KLF12: variants seen among roughly 807,000 people sequenced by gnomAD.
KLF12 encodes Krueppel-like factor 12.
Under a neutral mutation model 37.8 loss-of-function variants are expected in KLF12, and 9 were observed. That is an observed-to-expected ratio of 0.24 (90% CI 0.14 to 0.42). KLF12 has a LOEUF of 0.42. Ranked by LOEUF, KLF12 falls within the 10% of genes least tolerant of loss-of-function variation. The probability of loss-of-function intolerance (pLI) is 1.00; values close to 1 mark genes in which losing one functional copy is unlikely to be tolerated. For missense variants in KLF12, 411 were observed against 516.0 expected, an observed-to-expected ratio of 0.80 and a Z score of 1.97; for synonymous variants, 208 against 202.1, an observed-to-expected ratio of 1.03 and a Z score of -0.25.
intron 6 of KLF12, among the ~76,000 whole-genome samples, chr13:73,718,784 C>T (rs1876004203): frequency 6.6e-6 from 1 of 152,134 alleles, no homozygotes; most frequent in Non-Finnish European, 1.5e-5. Context: ...GTCCCAGCTA[C>T]TTGGGAGGCT....
chr13:74,141,561 G>A, the KLF12 span, among the ~76,000 whole-genome samples: 1 of 152,072 alleles, frequency 6.6e-6, no homozygotes, highest in African/African-American at 2.4e-5. Context: ...ACAAGAAATC[G>A]AAAAATAAGC....
chr13:74,085,607 T>C (rs1875231952), intron 1 of KLF12, among the ~76,000 whole-genome samples: 1 of 152,220 alleles, frequency 6.6e-6, no homozygotes, highest in Non-Finnish European at 1.5e-5. Context: ...CCTTAAATAA[T>C]GGAGCAGGGA....
intron 1 of KLF12, among the ~76,000 whole-genome samples, chr13:74,003,183 G>C (rs562206324): frequency 5.3e-4 from 81 of 152,286 alleles, no homozygotes; most frequent in African/African-American, 1.9e-3. Flanking sequence ...TGAAAGAACG[G>C]AGTATAGTGG....
At chr13:74,258,927 G>A in the KLF12 span, 1 of 152,246 alleles carries the variant, frequency 6.6e-6, no homozygotes, top group Non-Finnish European at 1.5e-5. Context: ...GAAGGTCCCG[G>A]TGCTCTCTCC....
At chr13:73,715,218 CAA>C (rs1222887667) in intron 7 of KLF12, 148 bp downstream of exon 7, 25 of 576,794 alleles carry the variant, frequency 4.3e-5, no homozygotes, top group Middle Eastern at 4.7e-4. Flanking sequence ...CTCTCTTTCT[CAA>C]GAGAGAGAGA....
intron 3 of KLF12, among the ~76,000 whole-genome samples, chr13:73,887,429 CAGG>C (rs978220235): frequency 3.9e-5 from 6 of 152,094 alleles, no homozygotes; most frequent in Admixed American, 2.0e-4. Context: ...CATGAGTTCA[CAGG>C]AGATCTGGTT....
At chr13:74,212,410 G>A in the KLF12 span, among the ~76,000 whole-genome samples, 1 of 152,132 alleles carries the variant, frequency 6.6e-6, no homozygotes, top group Non-Finnish European at 1.5e-5. Flanking sequence ...AGTCTAGCAT[G>A]CTTTGGGCAT....
chr13:74,076,551 C>T (rs1874573514), intron 1 of KLF12, among the ~76,000 whole-genome samples: 1 of 152,176 alleles, frequency 6.6e-6, no homozygotes, highest in East Asian at 1.9e-4. Flanking sequence ...GGCCTTAATC[C>T]CATTCATGAG....
At chr13:73,954,110 C>G (rs947569899) in intron 2 of KLF12, among the ~76,000 whole-genome samples, 2 of 151,510 alleles carry the variant, frequency 1.3e-5, no homozygotes, top group Non-Finnish European at 2.9e-5. Context: ...TCCGGAGCAG[C>G]TGGGACTACA....
At chr13:74,071,624 C>T (rs1297633878) in intron 1 of KLF12, among the ~76,000 whole-genome samples, 10 of 152,184 alleles carry the variant, frequency 6.6e-5, no homozygotes, top group Non-Finnish European at 1.0e-4. Context: ...ACTCGGGAGG[C>T]GGAGCTTGCA....
At chr13:74,253,001 ATCTATCTATCTATCTATCTATCTGTCTG>A in the KLF12 span, among the ~76,000 whole-genome samples, 2 of 128,622 alleles carry the variant, frequency 1.6e-5, no homozygotes, top group African/African-American at 8.9e-5. Flanking sequence ...CTATCTATCT[ATCTATCTATCTATCTATCTATCTGTCTG>A]TCTATCTACC....
At chr13:74,252,543 G>A in the KLF12 span, among the ~76,000 whole-genome samples, 3 of 152,200 alleles carry the variant, frequency 2.0e-5, no homozygotes. Flanking sequence ...GGAAGAGCAG[G>A]TGGAGAGGGG....
At chr13:74,180,359 T>TA in the KLF12 span, among the ~76,000 whole-genome samples, 1 of 152,230 alleles carries the variant, frequency 6.6e-6, no homozygotes, top group Non-Finnish European at 1.5e-5. Flanking sequence ...CCTCACAATT[T>TA]ATCTTTCTTT....
At chr13:73,820,713 A>C (rs1027024958) in intron 4 of KLF12, among the ~76,000 whole-genome samples, 3 of 152,310 alleles carry the variant, frequency 2.0e-5, no homozygotes, top group Admixed American at 1.3e-4. Context: ...TTGTCTGTTC[A>C]CTTGACAGTG....
At chr13:74,078,512 T>C (rs184138671) in intron 1 of KLF12, among the ~76,000 whole-genome samples, 1 of 152,366 alleles carries the variant, frequency 6.6e-6, no homozygotes, top group East Asian at 1.9e-4. Context: ...TGTTACTTAA[T>C]TAAATATTTG....
intron 2 of KLF12, among the ~76,000 whole-genome samples, chr13:73,974,310 C>CAAAAAAAAAAAAAAAAAAAAAA (rs61516158): frequency 6.8e-6 from 1 of 146,232 alleles, no homozygotes; most frequent in Admixed American, 6.7e-5. Flanking sequence ...AACTTCAAGA[C>CAAAAAAAAAAAAAAAAAAAAAA]AAAAAAAAAA....
the KLF12 span, among the ~76,000 whole-genome samples, chr13:74,281,879 A>G: frequency 6.6e-6 from 1 of 152,200 alleles, no homozygotes; most frequent in Non-Finnish European, 1.5e-5. Flanking sequence ...GTTTCTACTC[A>G]ACATTGCTAG....
chr13:73,955,561 T>C (rs985723346), intron 2 of KLF12, among the ~76,000 whole-genome samples: 1 of 152,220 alleles, frequency 6.6e-6, no homozygotes, highest in African/African-American at 2.4e-5. Flanking sequence ...TTCTGACTAC[T>C]AAAGACAACC....
the KLF12 span, among the ~76,000 whole-genome samples, chr13:74,228,297 A>C: frequency 1.3e-5 from 2 of 152,292 alleles, no homozygotes; most frequent in Non-Finnish European, 2.9e-5. Context: ...CTTGTAAAAA[A>C]GTCATGAATT....
Sources: allele counts gnomAD v4.1 joint callset (sites outside exome capture counted in the v4.1 genomes callset), GRCh38; gene constraint gnomAD v4.1.1; transcripts MANE v1.5; gene names NCBI Gene and HGNC (gene_info 2026-07-23, HGNC 2026-07-21).